PSME3: variants seen among roughly 807,000 people sequenced by gnomAD.
PSME3 encodes proteasome activator subunit 3.
A neutral mutation model predicts 38.3 loss-of-function variants in PSME3; 7 were observed. The observed-to-expected ratio is 0.18, with a 90% CI of 0.10 to 0.34. The LOEUF (loss-of-function observed/expected upper bound fraction) is 0.34. Among genes scored for constraint, PSME3 ranks in the 10% least tolerant of loss-of-function variants. PSME3 has a pLI of 1.00. For synonymous variants in PSME3, 108 were observed against 105.7 expected (o/e 1.02, Z -0.13); for missense variants, 192 against 307.6 (o/e 0.62, Z 2.81).
chr17:42,833,441 G>A lies in PSME3; in HGVS notation c.-191G>A, dbSNP rs752665805. Reference sequence around the variant, plus strand: ...GCGAAAGCCGGGAGGGCGAGCGAGAGAGCAAGCAGGCAGCAGGCTGCCGGC... The same window carrying A: ...GCGAAAGCCGGGAGGGCGAGCGAGAAAGCAAGCAGGCAGCAGGCTGCCGGC... On this transcript the variant is annotated 5_prime_UTR_variant, in exon 1 of 11. Coordinates refer to ENST00000590720, the MANE Select transcript of PSME3 (RefSeq NM_005789.4). 1.2e-4 allele frequency: 80 copies of A among 645,744 alleles called. No homozygotes were observed. The highest frequency in any genetic ancestry group is 5.0e-4 in the East Asian group (18 of 36,028). 40.0% of individuals were successfully genotyped at this position (645,744 alleles called of 1,614,324 possible). A position where few individuals can be genotyped will look rare whatever the true frequency, so the allele number is the denominator to read the frequency against.
At chr17:42,835,008 A>G (rs2055444759) in intron 4 of PSME3, 132 bp downstream of exon 4, 1 of 1,302,338 alleles carries the variant, frequency 7.7e-7, no homozygotes, top group Non-Finnish European at 1.0e-6. Flanking sequence ...TACAGACATG[A>G]TGACTCTAGT....
chr17:42,838,672 T>G lies in PSME3; in HGVS notation c.406-59T>G, dbSNP rs143994788. ...GGCATCTGGCTCCAGCCGTCTGAAT[T>G]GTGTACTTCATGGCTTCAGCCTTCA... On this transcript the variant is annotated intron_variant, in intron 6 of 10. Transcript: ENST00000590720. The G allele has an allele frequency of 4.5e-4, 670 of 1,493,516 alleles. 7 individuals are homozygous for G. In the East Asian group the frequency reaches 0.011, roughly 25 times the overall value. 92.5% of individuals were successfully genotyped at this position (1,493,516 alleles called of 1,614,324 possible).
intron 4 of PSME3, among the ~76,000 whole-genome samples, 177 bp downstream of exon 4, chr17:42,835,053 T>C (rs2055445301): frequency 6.6e-6 from 1 of 152,182 alleles, no homozygotes; most frequent in South Asian, 2.1e-4. Flanking sequence ...TTATTTATTT[T>C]TGAGAAAGGG....
intron 4 of PSME3, among the ~76,000 whole-genome samples, chr17:42,837,118 C>G (rs969564385): frequency 2.6e-5 from 4 of 152,048 alleles, no homozygotes; most frequent in African/African-American, 9.7e-5. Flanking sequence ...GTGGTGCAAT[C>G]TCGGCTCACT....
chr17:42,838,683 T>C, intron 6 of PSME3, 48 bp from the exon 7 acceptor site: 2 of 1,560,536 alleles, frequency 1.3e-6, no homozygotes, highest in South Asian at 2.2e-5. Context: ...GTGTACTTCA[T>C]GGCTTCAGCC....
At chr17:42,834,397 A>G in intron 2 of PSME3, 21 bp downstream of exon 2, 5 of 1,613,260 alleles carry the variant, frequency 3.1e-6, no homozygotes, top group Non-Finnish European at 4.2e-6. Flanking sequence ...TAAATAGAAA[A>G]ATGGTTGTTG....
intron 5 of PSME3, 188 bp downstream of exon 5, chr17:42,837,885 G>A: frequency 1.2e-6 from 1 of 865,700 alleles, no homozygotes; most frequent in South Asian, 1.7e-5. Context: ...AATAAACAGA[G>A]GATTTAAGAC....
Position 42,839,251 on chromosome 17 carries a change from A to C in PSME3, c.598-43A>C, listed in dbSNP as rs777477695. 6 of 1,581,732 alleles carry C rather than the reference A, an allele frequency of 3.8e-6. No individual in the cohort carries two copies. The Admixed American group carries it at 8.3e-5, about 22-fold the overall frequency. On this transcript the variant is annotated intron_variant, in intron 9 of 10. Transcript: ENST00000590720. ...ACTGGGAAGGAGCTGTCTGGAAACA[A>C]TTGGGCTTTGGGGACTAGCTTTTTC...
At chr17:42,833,717 C>T (rs779939477) in intron 1 of PSME3, 44 bp downstream of exon 1, 14 of 1,614,214 alleles carry the variant, frequency 8.7e-6, no homozygotes, top group Admixed American at 5.0e-5. Flanking sequence ...CTTTGATCCC[C>T]CAGCAGTCTG....
rs543388901 is a variant in PSME3, at chr17:42,837,783, C to T, written c.292+86C>T. On this transcript the variant is annotated intron_variant, in intron 5 of 10. Coordinates refer to ENST00000590720, the MANE Select transcript of PSME3 (RefSeq NM_005789.4). ...CAGGATGGATCTAGTGTTCTCCTGACCAGGAGGCAAGATCTAATCTTACTT... is the reference window on the plus strand; with the variant it reads ...CAGGATGGATCTAGTGTTCTCCTGATCAGGAGGCAAGATCTAATCTTACTT... The T allele has an allele frequency of 1.5e-5, 21 of 1,437,640 alleles. No homozygotes were observed. In the East Asian group the frequency reaches 1.6e-4, roughly 11 times the overall value. The allele number at this position is 1,437,640 out of a possible 1,614,324, so 89.1% of individuals were successfully genotyped here. A position where few individuals can be genotyped will look rare whatever the true frequency, so the allele number is the denominator to read the frequency against.
rs2055561835 is a variant in PSME3 at position 42,843,647 on chromosome 17, T to A, written c.*2069T>A. 1 of 152,362 alleles carries A rather than the reference T, an allele frequency of 6.6e-6. No homozygotes were observed. The highest frequency in any genetic ancestry group is 6.5e-5 in the Admixed American group (1 of 15,288). 9.4% of individuals were successfully genotyped at this position (152,362 alleles called of 1,614,324 possible). On this transcript the variant is annotated 3_prime_UTR_variant, in exon 11 of 11. Coordinates refer to ENST00000590720, the MANE Select transcript of PSME3 (RefSeq NM_005789.4). Reference sequence around the variant, plus strand: ...TTACCTTATACTAATTCTTCCTGAATAATGTCTTCAGTTTCTTGAGGAGAC... The same window carrying A: ...TTACCTTATACTAATTCTTCCTGAAAAATGTCTTCAGTTTCTTGAGGAGAC...
intron 4 of PSME3, among the ~76,000 whole-genome samples, chr17:42,835,432 A>G (rs2055450294): frequency 6.6e-6 from 1 of 152,172 alleles, no homozygotes; most frequent in South Asian, 2.1e-4. Flanking sequence ...CAAATAAAAG[A>G]GAACTAGCTT....
At position 42,838,944 on chromosome 17, in the gene PSME3, G is replaced by A; in HGVS notation, c.475-1G>A. ...ATGCACCTGTTGTTTGTTTGTTTTA[G>A]GAGGAAACAGTTGCAGAGCTAAGAA... On this transcript the variant is annotated splice_acceptor_variant, in intron 7 of 10. Coordinates refer to ENST00000590720, the MANE Select transcript of PSME3 (RefSeq NM_005789.4). LOFTEE classifies it high-confidence loss of function. 6.2e-7 allele frequency: 1 copy of A among 1,614,066 alleles called. No homozygotes were observed. Among genetic ancestry groups the A allele is most frequent in the Non-Finnish European group, 8.5e-7 (1 of 1,180,000 alleles).
intron 4 of PSME3, among the ~76,000 whole-genome samples, chr17:42,836,491 A>G (rs2144246759): frequency 6.6e-6 from 1 of 152,212 alleles, no homozygotes; most frequent in East Asian, 1.9e-4. Context: ...ATAATACTTA[A>G]TGTATTGTGT....
chr17:42,834,014 T>C (rs1597951231), intron 1 of PSME3: 1 of 1,439,198 alleles, frequency 6.9e-7, no homozygotes, highest in South Asian at 1.5e-5. Flanking sequence ...TATCATAGAC[T>C]AGGTCTGGGT....
intron 4 of PSME3, among the ~76,000 whole-genome samples, chr17:42,835,356 A>G (rs1196782201): frequency 6.6e-6 from 1 of 151,946 alleles, no homozygotes; most frequent in Non-Finnish European, 1.5e-5. Flanking sequence ...TTCCTTTTAG[A>G]CCCTCAGTTT....
At chr17:42,841,454 AG>A (rs773404921) in intron 10 of PSME3, 43 bp from the exon 11 acceptor site, 3 of 1,288,708 alleles carry the variant, frequency 2.3e-6, no homozygotes, top group Admixed American at 2.1e-5. Flanking sequence ...TGATGAGGTA[AG>A]GGTTGTACAG....
chr17:42,839,298 A>C lies in PSME3; in HGVS notation c.602A>C (p.Asp201Ala). ...SKIAKYPHVE[D>A]YRRTVTEIDE... ...TTTCCTGTACCCTCCTTGCAGGAGGACTATCGCCGCACCGTGACAGAGATT... is the reference window on the plus strand; with the variant it reads ...TTTCCTGTACCCTCCTTGCAGGAGGCCTATCGCCGCACCGTGACAGAGATT... Residue 201 changes from aspartate (D) to alanine (A), a missense_variant, in exon 10 of 11, where the codon GAC (aspartate) becomes GCC (alanine). Physicochemically the swap from Asp to Ala is moderately radical, Grantham distance 126 (BLOSUM62 -2). This residue lies in a region of PSME3 where 82 missense variants were observed against 168.2 expected (regional missense o/e 0.49). Transcript: ENST00000590720. The C allele has an allele frequency of 6.2e-7, 1 of 1,613,190 alleles. No homozygotes were observed. Among genetic ancestry groups the C allele is most frequent in the Non-Finnish European group, 8.5e-7 (1 of 1,179,168 alleles).
rs1032673126 is a variant in PSME3 at position 42,842,171 on chromosome 17, C to T, written c.*593C>T. 3.9e-5 allele frequency: 6 copies of T among 152,458 alleles called. No homozygotes were observed. Among genetic ancestry groups the T allele is most frequent in the African/African-American group, 1.2e-4 (5 of 41,420 alleles). The allele number at this position is 152,458 out of a possible 1,614,324, so 9.4% of individuals were successfully genotyped here. On this transcript the variant is annotated 3_prime_UTR_variant, in exon 11 of 11. Coordinates refer to ENST00000590720, the MANE Select transcript of PSME3 (RefSeq NM_005789.4). The stretch of plus-strand genomic sequence containing the variant: ...AGGCCTTCAGTCAATTCCGAAGCTC[C>T]TTCAGTTGTTTTTATAATGGGCGTT...
Sources: allele counts gnomAD v4.1 joint callset (sites outside exome capture counted in the v4.1 genomes callset), GRCh38; gene constraint gnomAD v4.1.1; regional missense constraint gnomAD v4.1.1; transcripts MANE v1.5; gene names NCBI Gene and HGNC (gene_info 2026-07-23, HGNC 2026-07-21).